CUEDC1: variants seen among roughly 807,000 people sequenced by gnomAD.
CUEDC1 encodes CUE domain-containing protein 1.
A neutral mutation model predicts 43.7 loss-of-function variants in CUEDC1; 30 were observed. The ratio of observed to expected loss-of-function variants is 0.69; its 90% confidence interval spans 0.51 to 0.93. CUEDC1 has a LOEUF of 0.93. CUEDC1 is among the 40% of genes least tolerant of loss of function. CUEDC1 has a pLI of 0.00. For synonymous variants in CUEDC1, 223 were observed against 223.6 expected (o/e 1.00, Z 0.02); for missense variants, 486 against 549.0 (o/e 0.89, Z 1.15).
At chr17:57,918,354 CCTAAACA>C (rs1185691549) in intron 1 of CUEDC1, among the ~76,000 whole-genome samples, 16 of 152,182 alleles carry the variant, frequency 1.1e-4, no homozygotes, top group Non-Finnish European at 7.3e-5. Flanking sequence ...CCAAGGCCCT[CCTAAACA>C]CTTCCCAAAA....
At chr17:57,887,431 T>G (rs537536952) in intron 1 of CUEDC1, among the ~76,000 whole-genome samples, 1 of 152,146 alleles carries the variant, frequency 6.6e-6, no homozygotes, top group African/African-American at 2.4e-5. Flanking sequence ...TTGAGTTTGA[T>G]GAAACAGGTG....
At chr17:57,934,113 G>T (rs750532928) in intron 1 of CUEDC1, among the ~76,000 whole-genome samples, 2 of 152,118 alleles carry the variant, frequency 1.3e-5, no homozygotes, top group Non-Finnish European at 2.9e-5. Flanking sequence ...AAAAATAAAG[G>T]CCAGGTGCGG....
chr17:57,878,712 G>C (rs1001334201), intron 3 of CUEDC1, among the ~76,000 whole-genome samples: 2 of 151,950 alleles, frequency 1.3e-5, no homozygotes, highest in African/African-American at 4.8e-5. Context: ...TGTCACCCAG[G>C]CTGGAGTGCA....
intron 1 of CUEDC1, among the ~76,000 whole-genome samples, chr17:57,937,486 C>T (rs898540415): frequency 1.1e-4 from 17 of 151,738 alleles, no homozygotes; most frequent in East Asian, 5.8e-4. Flanking sequence ...CAGCATGCAC[C>T]GGTAGTCCCA....
intron 1 of CUEDC1, among the ~76,000 whole-genome samples, chr17:57,890,283 C>CT (rs2074341293): frequency 6.6e-6 from 1 of 152,202 alleles, no homozygotes; most frequent in Non-Finnish European, 1.5e-5. Context: ...CTGGGCACAG[C>CT]CCAGAGGACA....
intron 1 of CUEDC1, among the ~76,000 whole-genome samples, chr17:57,891,503 G>A (rs1241752285): frequency 6.6e-6 from 1 of 152,128 alleles, no homozygotes; most frequent in East Asian, 1.9e-4. Flanking sequence ...CATCACAGGG[G>A]TCATGCCCTT....
intron 5 of CUEDC1, among the ~76,000 whole-genome samples, chr17:57,872,420 C>A (rs1029320428): frequency 6.6e-6 from 1 of 152,132 alleles, no homozygotes; most frequent in African/African-American, 2.4e-5. Context: ...GGAAGAAGGC[C>A]TAAGAGTGCA....
At chr17:57,874,706 C>A (rs1402406383) in intron 3 of CUEDC1, among the ~76,000 whole-genome samples, 2 of 152,186 alleles carry the variant, frequency 1.3e-5, no homozygotes, top group Admixed American at 6.5e-5. Flanking sequence ...GAGGGCCGGG[C>A]GGTGGGGGCT....
chr17:57,865,048 C>T (rs1274237446), intron 10 of CUEDC1, among the ~76,000 whole-genome samples: 8 of 151,058 alleles, frequency 5.3e-5, no homozygotes, highest in Middle Eastern at 6.8e-3. Flanking sequence ...CAGAGCGAGA[C>T]TCTGTCTCAA....
chr17:57,868,809 GCAGT>G (rs2073996608), intron 7 of CUEDC1, among the ~76,000 whole-genome samples: 1 of 152,208 alleles, frequency 6.6e-6, no homozygotes, highest in South Asian at 2.1e-4. Flanking sequence ...GCCTCTCTGT[GCAGT>G]CAGCTCCGGC....
At chr17:57,935,509 A>G (rs972134807) in intron 1 of CUEDC1, among the ~76,000 whole-genome samples, 2 of 152,128 alleles carry the variant, frequency 1.3e-5, no homozygotes, top group African/African-American at 4.8e-5. Flanking sequence ...TGGGGCCTCC[A>G]GGAAATATGC....
At chr17:57,865,159 G>A (rs773644333) in intron 10 of CUEDC1, among the ~76,000 whole-genome samples, 10 of 152,248 alleles carry the variant, frequency 6.6e-5, no homozygotes, top group Non-Finnish European at 8.8e-5. Flanking sequence ...GTAGGAAGGA[G>A]AAGGGCGTGG....
chr17:57,896,486 G>GT lies in CUEDC1; in HGVS notation c.-315-10608_-315-10607insA, dbSNP rs2074409741. ...AGTCACTCTACTATAGTGCATTATG[G>GT]GGTGTGTGTGTGTGTGTGTGTGTGT... is the stretch of plus-strand genomic sequence containing the variant. On this transcript the variant is annotated intron_variant, in intron 1 of 10. Transcript: ENST00000577830. Among the ~76,000 whole-genome samples, 6 of 75,342 alleles carry GT rather than the reference G, an allele frequency of 8.0e-5. 1 individual carries two copies. The highest frequency in any genetic ancestry group is 2.3e-4 in the African/African-American group (5 of 21,350). 49.4% of individuals were successfully genotyped at this position (75,342 alleles called of 152,430 possible). A position where few individuals can be genotyped will look rare whatever the true frequency, so the allele number is the denominator to read the frequency against.
intron 1 of CUEDC1, among the ~76,000 whole-genome samples, chr17:57,913,482 A>C (rs1285274772): frequency 6.6e-6 from 1 of 152,142 alleles, no homozygotes; most frequent in Non-Finnish European, 1.5e-5. Context: ...TTAAAGAAAA[A>C]GGCCCATGTG....
At chr17:57,923,102 A>T (rs2143117524) in intron 1 of CUEDC1, among the ~76,000 whole-genome samples, 1 of 152,300 alleles carries the variant, frequency 6.6e-6, no homozygotes, top group South Asian at 2.1e-4. Context: ...CTAGGATTAC[A>T]GGCATGAGCC....
chr17:57,889,207 C>T (rs2074330167), intron 1 of CUEDC1, among the ~76,000 whole-genome samples: 1 of 152,206 alleles, frequency 6.6e-6, no homozygotes, highest in South Asian at 2.1e-4. Context: ...ATCCTCAGCA[C>T]ACTGCCTAGA....
At chr17:57,939,279 T>C (rs544816503) in intron 1 of CUEDC1, among the ~76,000 whole-genome samples, 21 of 150,324 alleles carry the variant, frequency 1.4e-4, no homozygotes, top group African/African-American at 5.1e-4. Context: ...GCTTTTTATT[T>C]TTTTGAGACG....
At chr17:57,896,347 C>G (rs1293837288) in intron 1 of CUEDC1, among the ~76,000 whole-genome samples, 5 of 152,164 alleles carry the variant, frequency 3.3e-5, no homozygotes, top group Non-Finnish European at 7.3e-5. Flanking sequence ...ACATTATCAG[C>G]ATCCTCCTCT....
intron 1 of CUEDC1, among the ~76,000 whole-genome samples, chr17:57,927,308 G>C (rs1019080635): frequency 6.6e-6 from 1 of 151,932 alleles, no homozygotes; most frequent in East Asian, 1.9e-4. Context: ...CACTCCCCCC[G>C]GGAGTCTCCA....
Sources: allele counts gnomAD v4.1 joint callset (sites outside exome capture counted in the v4.1 genomes callset), GRCh38; gene constraint gnomAD v4.1.1; transcripts MANE v1.5; gene names NCBI Gene and HGNC (gene_info 2026-07-23, HGNC 2026-07-21).